Variants in NALF1 observed in about 807,000 individuals in gnomAD.
The protein encoded by NALF1 is family with sequence similarity 155 member A.
Under a neutral mutation model 48.4 loss-of-function variants are expected in NALF1, and 3 were observed. The ratio of observed to expected loss-of-function variants is 0.06; its 90% CI spans 0.03 to 0.16. The LOEUF is 0.16. Among genes scored for constraint, NALF1 ranks in the 10% least tolerant of loss-of-function variants. The pLI is 1.00. For missense variants in NALF1, 526 were observed against 571.5 expected, an observed-to-expected ratio of 0.92 and a Z score of 0.81; for synonymous variants, 262 against 245.7, an observed-to-expected ratio of 1.07 and a Z score of -0.62.
intron 1 of NALF1, among the ~76,000 whole-genome samples, chr13:107,462,412 G>A (rs1290973723): frequency 6.6e-6 from 1 of 152,226 alleles, no homozygotes. Flanking sequence ...TACATCAGAA[G>A]TTACATAAGT....
chr13:107,757,993 G>GA (rs1434759150), intron 1 of NALF1, among the ~76,000 whole-genome samples: 3 of 152,278 alleles, frequency 2.0e-5, no homozygotes, highest in East Asian at 1.9e-4. Context: ...TGATGGGAGA[G>GA]ACAGATTATC....
intron 1 of NALF1, among the ~76,000 whole-genome samples, chr13:107,298,719 T>C (rs995748457): frequency 3.3e-5 from 5 of 152,154 alleles, no homozygotes; most frequent in South Asian, 4.1e-4. Flanking sequence ...CGTGAGCCAC[T>C]GCACCTGGCC....
At chr13:107,854,928 G>T (rs1160184361) in intron 1 of NALF1, among the ~76,000 whole-genome samples, 1 of 151,716 alleles carries the variant, frequency 6.6e-6, no homozygotes, top group Admixed American at 6.6e-5. Flanking sequence ...CGTCTGTGAG[G>T]CAGTTCATTT....
chr13:107,391,405 C>A (rs1289367075), intron 1 of NALF1, among the ~76,000 whole-genome samples: 1 of 152,104 alleles, frequency 6.6e-6, no homozygotes, highest in Non-Finnish European at 1.5e-5. Flanking sequence ...AAATATTTAA[C>A]CCCCAAATAC....
At position 107,362,991 on chromosome 13, in the gene NALF1, T is replaced by C. The variant is rs571686704; in HGVS notation, c.916-152236A>G. Among the ~76,000 whole-genome samples, 3 of 152,092 alleles carry C rather than the reference T, an allele frequency of 2.0e-5. No individual in the cohort carries two copies. The highest frequency in any genetic ancestry group is 4.4e-5 in the Non-Finnish European group (3 of 68,010). On this transcript the variant is annotated intron_variant, in intron 1 of 2. Transcript: ENST00000375915. This position sits in a 1 kb window ranked among gnomAD's most constrained non-coding sequence, Gnocchi z 4.6. Reference sequence around the variant, plus strand: ...GCTTACCATATAATAATTGGGATCGTAAAGTGAAAAAAATAGATCTTAACC... The same window carrying C: ...GCTTACCATATAATAATTGGGATCGCAAAGTGAAAAAAATAGATCTTAACC...
chr13:107,350,377 G>A (rs929353386), intron 1 of NALF1, among the ~76,000 whole-genome samples: 1 of 152,212 alleles, frequency 6.6e-6, no homozygotes, highest in Non-Finnish European at 1.5e-5. Context: ...TATAGCAGGT[G>A]TATTTTAAGT....
chr13:107,252,853 C>T (rs980046), intron 1 of NALF1, among the ~76,000 whole-genome samples: 122,237 of 151,806 alleles, frequency 0.81, 49,612 homozygotes, highest in Non-Finnish European at 0.85. Context: ...GTTAAAAGCA[C>T]AAAGACAGTG....
chr13:107,196,395 G>GA (rs1183164109), intron 2 of NALF1, among the ~76,000 whole-genome samples: 2 of 152,118 alleles, frequency 1.3e-5, no homozygotes, highest in Non-Finnish European at 2.9e-5. Context: ...AAGTTCAGGT[G>GA]AAAAGAAAAA....
At chr13:107,489,235 C>T (rs1400926861) in intron 1 of NALF1, among the ~76,000 whole-genome samples, 3 of 152,086 alleles carry the variant, frequency 2.0e-5, no homozygotes, top group African/African-American at 7.2e-5. Flanking sequence ...AATGCTATTC[C>T]CATTAAACTA....
chr13:107,222,584 C>T (rs1010902951), intron 1 of NALF1, among the ~76,000 whole-genome samples: 5 of 151,944 alleles, frequency 3.3e-5, no homozygotes, highest in African/African-American at 1.2e-4. Flanking sequence ...AGGAGAAGCC[C>T]GACTGAAGTT....
chr13:107,585,304 A>G (rs1187916293), intron 1 of NALF1, among the ~76,000 whole-genome samples: 1 of 152,132 alleles, frequency 6.6e-6, no homozygotes, highest in Non-Finnish European at 1.5e-5. Flanking sequence ...AATCAAGGCT[A>G]GCATGGCAAA....
chr13:107,410,274 T>C (rs1594047741), intron 1 of NALF1, among the ~76,000 whole-genome samples: 1 of 152,152 alleles, frequency 6.6e-6, no homozygotes, highest in Admixed American at 6.6e-5. Context: ...CCTTTTCCCC[T>C]GGGCTTTCAG....
intron 1 of NALF1, among the ~76,000 whole-genome samples, chr13:107,391,045 A>T (rs1172104141): frequency 2.0e-5 from 3 of 152,210 alleles, no homozygotes; most frequent in Non-Finnish European, 4.4e-5. Context: ...AGGAAGGAGC[A>T]TCAGTGCAGA....
chr13:107,856,993 C>A (rs1014110295), intron 1 of NALF1, among the ~76,000 whole-genome samples: 1 of 152,218 alleles, frequency 6.6e-6, no homozygotes, highest in Non-Finnish European at 1.5e-5. Flanking sequence ...CTCACTCTCA[C>A]CCCTAAAGCA....
chr13:107,366,744 G>A (rs914040573), intron 1 of NALF1, among the ~76,000 whole-genome samples: 2 of 152,168 alleles, frequency 1.3e-5, no homozygotes, highest in African/African-American at 2.4e-5. Flanking sequence ...GGGTTGGTCC[G>A]ACATCCCATG....
At chr13:107,179,069 A>G (rs967707617) in intron 2 of NALF1, among the ~76,000 whole-genome samples, 1 of 152,228 alleles carries the variant, frequency 6.6e-6, no homozygotes, top group African/African-American at 2.4e-5. Flanking sequence ...TCCCACGTTT[A>G]TTGTGGCACT....
At chr13:107,535,165 C>G (rs1249170585) in intron 1 of NALF1, among the ~76,000 whole-genome samples, 3 of 151,964 alleles carry the variant, frequency 2.0e-5, no homozygotes, top group African/African-American at 4.8e-5. Context: ...AATTGAATAC[C>G]CTTTATATCT....
chr13:107,424,380 C>T (rs967301354), intron 1 of NALF1, among the ~76,000 whole-genome samples: 10 of 152,196 alleles, frequency 6.6e-5, no homozygotes, highest in African/African-American at 2.2e-4. Flanking sequence ...ACAAGCAATC[C>T]GCCCCACTCA....
chr13:107,723,255 C>A (rs1292958190), intron 1 of NALF1, among the ~76,000 whole-genome samples: 3 of 152,052 alleles, frequency 2.0e-5, no homozygotes, highest in African/African-American at 7.2e-5. Flanking sequence ...CCCTGAGATT[C>A]CAATTTCTAG....
Sources: allele counts gnomAD v4.1 joint callset (sites outside exome capture counted in the v4.1 genomes callset), GRCh38; gene constraint gnomAD v4.1.1; non-coding constraint Gnocchi (gnomAD v3.1); transcripts MANE v1.5; gene names NCBI Gene and HGNC (gene_info 2026-07-23, HGNC 2026-07-21).